Variants in PSMD4 observed in about 807,000 individuals in gnomAD.
PSMD4 encodes 26S proteasome non-ATPase regulatory subunit 4.
PSMD4 carries 5 observed loss-of-function variants against 39.7 expected under a neutral mutation model. That is an observed-to-expected ratio of 0.13 (90% confidence interval 0.07 to 0.26). PSMD4 has a LOEUF of 0.26. PSMD4 is among the 10% of genes least tolerant of loss of function. The pLI, the probability that PSMD4 is intolerant of heterozygous loss-of-function variation, is 1.00. For synonymous variants in PSMD4, 143 were observed against 174.6 expected, an observed-to-expected ratio of 0.82 and a Z score of 1.43; for missense variants, 272 against 486.1, an observed-to-expected ratio of 0.56 and a Z score of 4.14.
At chr1:151,261,630 GC>G (rs1693321665) in intron 1 of PSMD4, among the ~76,000 whole-genome samples, 1 of 152,136 alleles carries the variant, frequency 6.6e-6, no homozygotes, top group Non-Finnish European at 1.5e-5. Context: ...CACCTTTGGT[GC>G]TCATCAGAAT....
At chr1:151,257,466 C>A (rs1178197377) in intron 1 of PSMD4, among the ~76,000 whole-genome samples, 1 of 152,012 alleles carries the variant, frequency 6.6e-6, no homozygotes, top group Non-Finnish European at 1.5e-5. Context: ...TTTTCTAGTT[C>A]TTTGAAGAAT....
At chr1:151,266,161 T>G (rs746430486) in intron 7 of PSMD4, 49 bp downstream of exon 7, 1 of 1,588,976 alleles carries the variant, frequency 6.3e-7, no homozygotes, top group Non-Finnish European at 8.6e-7. Context: ...TGCTAAACAT[T>G]GAAAGCTGGG....
intron 7 of PSMD4, 30 bp from the exon 8 acceptor site, chr1:151,266,278 T>C (rs1404615104): frequency 6.2e-7 from 1 of 1,613,702 alleles, no homozygotes; most frequent in Non-Finnish European, 8.5e-7. Context: ...TGGCACCAAT[T>C]CTACCCTGCT....
In PSMD4 at chr1:151,267,406, G is replaced by A. The variant is rs1473954846; in HGVS notation, c.*63G>A. ...CTGCATGGGAAGCACGGAATATAGG[G>A]TTAGATGTGTGTTATCTGTAACCAT... On this transcript the variant is annotated 3_prime_UTR_variant, in exon 10 of 10. Coordinates refer to ENST00000368884, the MANE Select transcript of PSMD4 (RefSeq NM_002810.4). 1 of 1,545,740 alleles carries A rather than the reference G, an allele frequency of 6.5e-7. No individual in the cohort carries two copies. The highest frequency in any genetic ancestry group is 8.8e-7 in the Non-Finnish European group (1 of 1,132,522).
intron 1 of PSMD4, among the ~76,000 whole-genome samples, chr1:151,256,340 T>A (rs1693164878): frequency 1.5e-5 from 1 of 64,858 alleles, no homozygotes; most frequent in Non-Finnish European, 3.3e-5. Flanking sequence ...TGAGACTCCC[T>A]CTCAAAAAAA....
rs1275893802 is a variant in PSMD4 at position 151,266,346 on chromosome 1, C to A, written c.802C>A (p.Gln268Lys). 1.9e-6 allele frequency: 3 copies of A among 1,614,106 alleles called. No homozygotes were observed. Among genetic ancestry groups the A allele is most frequent in the Non-Finnish European group, 2.5e-6 (3 of 1,180,044 alleles). Residue 268 changes from glutamine (Q) to lysine (K), a missense_variant, in exon 8 of 10, where the codon CAA (glutamine) becomes AAA (lysine). Transcript: ENST00000368884. ...DALLKMTISQ[Q>K]EFGRTGLPDL... The stretch of plus-strand genomic sequence containing the variant: ...CCTGCTGAAGATGACCATCAGCCAG[C>A]AAGAGTTTGGCCGCACTGGGCTTCC...
At chr1:151,261,125 T>C (rs1164893099) in intron 1 of PSMD4, among the ~76,000 whole-genome samples, 2 of 150,748 alleles carry the variant, frequency 1.3e-5, no homozygotes, top group East Asian at 4.0e-4. Context: ...GGGATGCACT[T>C]GGGAGGCATA....
intron 1 of PSMD4, among the ~76,000 whole-genome samples, chr1:151,256,660 C>T (rs1310600240): frequency 6.6e-6 from 1 of 151,062 alleles, no homozygotes; most frequent in Admixed American, 6.6e-5. Flanking sequence ...TAGTCTCAAA[C>T]TGCTGAGCTC....
intron 1 of PSMD4, among the ~76,000 whole-genome samples, chr1:151,261,168 T>C (rs587758839): frequency 1.3e-3 from 195 of 150,590 alleles, no homozygotes; most frequent in Non-Finnish European, 2.2e-3. Flanking sequence ...TATAGATTTT[T>C]TTTTTCTTTT....
intron 3 of PSMD4, among the ~76,000 whole-genome samples, chr1:151,264,628 G>A (rs1386428103): frequency 6.6e-6 from 1 of 151,834 alleles, no homozygotes; most frequent in Non-Finnish European, 1.5e-5. Flanking sequence ...AAAAAAGAGA[G>A]AAAGAGAATT....
chr1:151,264,797 T>A (rs139251277), intron 3 of PSMD4, 35 bp from the exon 4 acceptor site: 2 of 1,525,216 alleles, frequency 1.3e-6, no homozygotes, highest in East Asian at 4.5e-5. Context: ...GTGATTCCTC[T>A]GGTTAACTCT....
At chr1:151,263,592 G>C (rs1693359073) in intron 2 of PSMD4, among the ~76,000 whole-genome samples, 1 of 152,150 alleles carries the variant, frequency 6.6e-6, no homozygotes, top group South Asian at 2.1e-4. Context: ...ACTTTGGAAG[G>C]CCAAGGTGGG....
rs587653164 is a variant in PSMD4, at chr1:151,261,180, CTTT to C, written c.27-964_27-962del. Among the ~76,000 whole-genome samples, 6 of 120,010 alleles carry C rather than the reference CTTT, an allele frequency of 5.0e-5. 1 individual carries two copies. Among genetic ancestry groups the C allele is most frequent in the African/African-American group, 1.6e-4 (5 of 31,892 alleles). The allele number at this position is 120,010 out of a possible 152,430, so 78.7% of individuals were successfully genotyped here. On this transcript the variant is annotated intron_variant, in intron 1 of 9. Transcript: ENST00000368884. ...TTTTATAGATTTTTTTTTTCTTTTT[CTTT>C]TTTTTTTTTTTTTTTTGAGACGAAG...
At chr1:151,260,604 T>C (rs4636463) in intron 1 of PSMD4, among the ~76,000 whole-genome samples, 122,635 of 152,046 alleles carry the variant, frequency 0.81, 49,746 homozygotes, top group Middle Eastern at 0.83. Context: ...GGCACGATCT[T>C]GGCTCAATGC....
chr1:151,266,691 C>G, intron 9 of PSMD4, 104 bp downstream of exon 9: 1 of 1,304,526 alleles, frequency 7.7e-7, no homozygotes. Context: ...CTTTGAGGAG[C>G]AGAGGGAAAC....
At chr1:151,260,028 G>A (rs1048483476) in intron 1 of PSMD4, among the ~76,000 whole-genome samples, 9 of 151,970 alleles carry the variant, frequency 5.9e-5, no homozygotes, top group African/African-American at 2.2e-4. Flanking sequence ...GAGGAACCCC[G>A]TCTCTACTAA....
chr1:151,262,111 G>A, intron 1 of PSMD4, 50 bp from the exon 2 acceptor site: 3 of 1,606,120 alleles, frequency 1.9e-6, no homozygotes, highest in Admixed American at 1.7e-5. Context: ...AGAAGGTTTT[G>A]GAAAACTTCT....
At chr1:151,266,767 GA>G in intron 9 of PSMD4, 180 bp downstream of exon 9, 1 of 841,352 alleles carries the variant, frequency 1.2e-6, no homozygotes, top group Non-Finnish European at 1.9e-6. Flanking sequence ...CAGAGTTGGA[GA>G]AATGTCCTCT....
intron 3 of PSMD4, among the ~76,000 whole-genome samples, chr1:151,264,432 G>C (rs1190381164): frequency 2.0e-5 from 3 of 151,748 alleles, no homozygotes; most frequent in African/African-American, 7.3e-5. Context: ...CTGACGTCAC[G>C]AGTTCGAGAC....
Sources: gnomAD v4.1 joint callset for allele counts (sites outside exome capture counted in the v4.1 genomes callset) on GRCh38, gnomAD v4.1.1 for gene constraint, MANE v1.5 for transcripts, NCBI Gene and HGNC (gene_info 2026-07-23, HGNC 2026-07-21) for gene names.